HRH1: variants seen among roughly 807,000 people sequenced by gnomAD.
The protein encoded by HRH1 is histamine H1 receptor.
A neutral mutation model predicts 10.3 loss-of-function variants in HRH1; 6 were observed. The ratio of observed to expected loss-of-function variants is 0.58; its 90% CI spans 0.32 to 1.15. The LOEUF (loss-of-function observed/expected upper bound fraction) is 1.15. Ranked by LOEUF, HRH1 falls within the 50% of genes most tolerant of loss-of-function variation. The pLI, the probability that HRH1 is intolerant of heterozygous loss-of-function variation, is 0.05. For synonymous variants in HRH1, 242 were observed against 236.7 expected (o/e 1.02, Z -0.21); for missense variants, 514 against 615.3 (o/e 0.84, Z 1.74).
intron 1 of HRH1, among the ~76,000 whole-genome samples, chr3:11,194,212 A>C (rs1317833183): frequency 6.6e-6 from 1 of 152,236 alleles, no homozygotes; most frequent in Non-Finnish European, 1.5e-5. Context: ...TATTAAGGGT[A>C]GTACAGTGTA....
intron 1 of HRH1, among the ~76,000 whole-genome samples, chr3:11,237,280 C>G (rs887844800): frequency 2.0e-5 from 3 of 152,186 alleles, no homozygotes; most frequent in Non-Finnish European, 4.4e-5. Context: ...CACGTTAGCA[C>G]GGATGTCCAT....
At chr3:11,203,292 A>G (rs1157050069) in intron 1 of HRH1, among the ~76,000 whole-genome samples, 2 of 152,208 alleles carry the variant, frequency 1.3e-5, no homozygotes, top group Non-Finnish European at 2.9e-5. Context: ...GCTGCATGGT[A>G]TGGTAAGAGT....
At position 11,260,683 on chromosome 3, in the gene HRH1, C is replaced by G; in HGVS notation, c.*182C>G. The G allele has an allele frequency of 1.8e-6, 1 of 571,366 alleles. No homozygotes were observed. 35.4% of individuals were successfully genotyped at this position (571,366 alleles called of 1,614,324 possible). A position where few individuals can be genotyped will look rare whatever the true frequency, so the allele number is the denominator to read the frequency against. On this transcript the variant is annotated 3_prime_UTR_variant, in exon 2 of 2. Transcript: ENST00000431010. Reference sequence around the variant, plus strand: ...TAGAAGAACAGCAGATGGCGGTGATCAGCAGAGAGATTGAACTTTGAGGAG... The same window carrying G: ...TAGAAGAACAGCAGATGGCGGTGATGAGCAGAGAGATTGAACTTTGAGGAG...
chr3:11,247,249 G>A (rs957109789), intron 1 of HRH1, among the ~76,000 whole-genome samples: 1 of 152,192 alleles, frequency 6.6e-6, no homozygotes, highest in African/African-American at 2.4e-5. Context: ...TTGAACCCAG[G>A]AGACAGAGTG....
intron 1 of HRH1, chr3:11,252,904 A>G (rs1939688483): frequency 6.6e-6 from 1 of 152,158 alleles, no homozygotes; most frequent in Non-Finnish European, 1.5e-5. Flanking sequence ...ATACCTCGGG[A>G]TAAATGTGTT....
intron 1 of HRH1, among the ~76,000 whole-genome samples, chr3:11,247,125 C>G (rs1008199719): frequency 6.6e-6 from 1 of 151,992 alleles, no homozygotes; most frequent in Non-Finnish European, 1.5e-5. Context: ...GAGTTCGAGA[C>G]CAGCCTAACC....
Position 11,262,217 on chromosome 3 carries a change from G to C in HRH1, c.*1716G>C, listed in dbSNP as rs1023479543. On this transcript the variant is annotated 3_prime_UTR_variant, in exon 2 of 2. Transcript: ENST00000431010. ...GAGTGCCTGTACAAGCTGATGTTTT[G>C]TATTTTGTGTTCCTCTTTGCATGAT... The C allele has an allele frequency of 1.2e-5, 2 of 166,984 alleles. No individual in the cohort carries two copies. The highest frequency in any genetic ancestry group is 2.9e-5 in the Non-Finnish European group (2 of 68,104). 10.3% of individuals were successfully genotyped at this position (166,984 alleles called of 1,614,324 possible).
At chr3:11,209,840 C>T (rs972313750) in intron 1 of HRH1, among the ~76,000 whole-genome samples, 7 of 152,158 alleles carry the variant, frequency 4.6e-5, no homozygotes, top group African/African-American at 1.7e-4. Context: ...GGATGAGGCT[C>T]GGATGTGGAG....
intron 1 of HRH1, among the ~76,000 whole-genome samples, chr3:11,224,567 G>A (rs1443671724): frequency 6.6e-6 from 1 of 152,160 alleles, no homozygotes; most frequent in Non-Finnish European, 1.5e-5. Flanking sequence ...GAGCATGGTG[G>A]TGGGCACCTG....
intron 1 of HRH1, among the ~76,000 whole-genome samples, chr3:11,248,643 T>G (rs1321096790): frequency 6.6e-6 from 1 of 152,210 alleles, no homozygotes; most frequent in East Asian, 1.9e-4. Context: ...TTGAAAAGGC[T>G]TGGTTTCACT....
intron 1 of HRH1, among the ~76,000 whole-genome samples, chr3:11,212,935 C>T (rs1290346083): frequency 6.6e-6 from 1 of 152,154 alleles, no homozygotes; most frequent in African/African-American, 2.4e-5. Flanking sequence ...TGTGCCCACC[C>T]CAGGGCCTTT....
chr3:11,216,604 T>A (rs1347283984), intron 1 of HRH1, among the ~76,000 whole-genome samples: 3 of 152,120 alleles, frequency 2.0e-5, no homozygotes, highest in Admixed American at 6.6e-5. Context: ...GGAGACCAGG[T>A]GCAGTGGCTC....
intron 1 of HRH1, among the ~76,000 whole-genome samples, chr3:11,212,133 A>G (rs1349569415): frequency 6.6e-6 from 1 of 152,202 alleles, no homozygotes. Flanking sequence ...CTCCCCAGAT[A>G]TGATATCCTT....
chr3:11,219,638 G>A (rs575806347), intron 1 of HRH1, among the ~76,000 whole-genome samples: 14 of 150,208 alleles, frequency 9.3e-5, no homozygotes, highest in African/African-American at 2.5e-4. Flanking sequence ...GCTTGGACCC[G>A]GGAGGTGGAG....
At chr3:11,214,545 T>C (rs1356535981) in intron 1 of HRH1, among the ~76,000 whole-genome samples, 1 of 152,184 alleles carries the variant, frequency 6.6e-6, no homozygotes, top group Non-Finnish European at 1.5e-5. Context: ...AGAAGGATGA[T>C]GCGAGGGAGA....
intron 1 of HRH1, among the ~76,000 whole-genome samples, chr3:11,188,607 G>A (rs1490038593): frequency 6.6e-6 from 1 of 152,090 alleles, no homozygotes; most frequent in Non-Finnish European, 1.5e-5. Flanking sequence ...ATATAAGGAC[G>A]TGCATTACAA....
intron 1 of HRH1, among the ~76,000 whole-genome samples, chr3:11,179,107 G>A (rs1158569882): frequency 6.6e-6 from 1 of 152,090 alleles, no homozygotes; most frequent in African/African-American, 2.4e-5. Flanking sequence ...GGCCAACATG[G>A]CAAAACCCCG....
rs202235368 is a variant in HRH1, at chr3:11,259,685, C to G, written c.648C>G (p.Ala216=). 1 of 1,614,108 alleles carries G rather than the reference C, an allele frequency of 6.2e-7. No homozygotes were observed. Among genetic ancestry groups the G allele is most frequent in the East Asian group, 2.2e-5 (1 of 44,874 alleles). ...MLWFYAKIYK[A]VRQHCQHREL... is the part of the protein sequence containing the mutation. ...GGTTCTATGCCAAGATCTACAAGGC[C>G]GTACGACAACACTGCCAGCACCGGG... Residue 216 remains alanine (A), a synonymous_variant, in exon 2 of 2, where the codon GCC becomes GCG. Transcript: ENST00000431010. The surrounding 1 kb of genome is among the most constrained non-coding windows in gnomAD (Gnocchi z 4.6).
chr3:11,154,435 C>T (rs1247655753), upstream of HRH1: 1 of 33,236 alleles, frequency 3.0e-5, no homozygotes, highest in Non-Finnish European at 5.4e-5. The surrounding 1 kb of genome is among the most constrained non-coding windows in gnomAD (Gnocchi z 4.4). Flanking sequence ...CGGAGCGGCT[C>T]CTCCTCCGGC....
Sources: gnomAD v4.1 joint callset for allele counts (sites outside exome capture counted in the v4.1 genomes callset) on GRCh38, gnomAD v4.1.1 for gene constraint, Gnocchi (gnomAD v3.1) non-coding constraint, MANE v1.5 for transcripts, NCBI Gene and HGNC (gene_info 2026-07-23, HGNC 2026-07-21) for gene names.